Variants in FGD4 observed in about 807,000 individuals in gnomAD.
FGD4 encodes the protein FYVE, RhoGEF and PH domain containing 4, also known as FYVE, RhoGEF and PH domain-containing protein 4.
In FGD4, 42 loss-of-function variants were observed where a neutral mutation model predicts 102.0. The observed-to-expected ratio is 0.41, with a 90% CI of 0.32 to 0.53. The LOEUF (loss-of-function observed/expected upper bound fraction) is 0.53, where lower values mean the gene tolerates loss of function less well. Among genes scored for constraint, FGD4 ranks in the 20% least tolerant of loss-of-function variants. The pLI, the probability that FGD4 is intolerant of heterozygous loss-of-function variation, is 0.21. For synonymous variants in FGD4, 380 were observed against 375.7 expected (o/e 1.01, Z -0.13); for missense variants, 902 against 1,078.2 (o/e 0.84, Z 2.29).
intron 2 of FGD4, among the ~76,000 whole-genome samples, chr12:32,565,020 G>C (rs994172675): frequency 6.6e-6 from 1 of 152,178 alleles, no homozygotes. Context: ...TTCATTTATA[G>C]TGAATGCTAA....
chr12:32,589,997 C>T (rs1947337907), intron 4 of FGD4, among the ~76,000 whole-genome samples: 1 of 152,124 alleles, frequency 6.6e-6, no homozygotes, highest in Non-Finnish European at 1.5e-5. Flanking sequence ...CCTGTTGATG[C>T]TTATGACACT....
intron 1 of FGD4, among the ~76,000 whole-genome samples, chr12:32,477,081 A>C (rs1943601288): frequency 6.6e-6 from 1 of 152,190 alleles, no homozygotes; most frequent in African/African-American, 2.4e-5. Flanking sequence ...TGAGGTAAGG[A>C]GTTCAGGACC....
chr12:32,583,134 C>T (rs997111008), intron 4 of FGD4, among the ~76,000 whole-genome samples: 8 of 152,110 alleles, frequency 5.3e-5, no homozygotes, highest in African/African-American at 1.9e-4. Flanking sequence ...CCCAGTAATT[C>T]AAGACCAGTC....
intron 1 of FGD4, among the ~76,000 whole-genome samples, chr12:32,561,092 T>TTTTTTTTTTTTTTTTTTTTTG: frequency 7.9e-6 from 1 of 126,712 alleles, no homozygotes; most frequent in Non-Finnish European, 1.7e-5. Flanking sequence ...TTTTTTTTTT[T>TTTTTTTTTTTTTTTTTTTTTG]TTTTTTTTTG....
intron 1 of FGD4, among the ~76,000 whole-genome samples, chr12:32,476,102 A>G (rs1943578993): frequency 6.6e-6 from 1 of 152,080 alleles, no homozygotes; most frequent in Non-Finnish European, 1.5e-5. Flanking sequence ...ACTGTATGAA[A>G]CGGGTCTGCT....
intron 7 of FGD4, among the ~76,000 whole-genome samples, chr12:32,602,801 A>G (rs1318423810): frequency 1.3e-5 from 2 of 152,192 alleles, no homozygotes; most frequent in African/African-American, 2.4e-5. Flanking sequence ...AAAATTGTTA[A>G]TGTCATATTC....
At chr12:32,579,713 GTCC>G (rs1946443275) in intron 3 of FGD4, 1 of 152,180 alleles carries the variant, frequency 6.6e-6, no homozygotes. Context: ...GGCCAAAGTT[GTCC>G]TCCTCAAGGG....
At position 32,544,016 on chromosome 12, in the gene FGD4, A is replaced by G. The variant is rs1161745556; in HGVS notation, c.167-20121A>G. Among the ~76,000 whole-genome samples the G allele has an allele frequency of 2.0e-5, 3 of 152,202 alleles. No homozygotes were observed. Among genetic ancestry groups the G allele is most frequent in the Non-Finnish European group, 4.4e-5 (3 of 68,038 alleles). Reference sequence around the variant, plus strand: ...TATTATGTCACAAATGGATTCTAAAATCAGATAATCTTACTATTACTTATC... The same window carrying G: ...TATTATGTCACAAATGGATTCTAAAGTCAGATAATCTTACTATTACTTATC... On this transcript the variant is annotated intron_variant, in intron 1 of 16. Coordinates refer to ENST00000534526, the MANE Select transcript of FGD4 (RefSeq NM_001370298.3). This position sits in a 1 kb window ranked among gnomAD's most constrained non-coding sequence, Gnocchi z 4.1.
At position 32,602,173 on chromosome 12, in the gene FGD4, T is replaced by C. The variant is rs1035911982; in HGVS notation, c.1260T>C (p.Pro420=). ...ATATTTGATACAGGGAAACTACTCC[T>C]AGAATTGGAGACATCCTTCAGAAAT... ...EKRMQEWETT[P]RIGDILQKLA... The change falls in exon 7 of 17, where the codon CCT becomes CCC. Residue 420 remains proline, a synonymous_variant. Transcript: ENST00000534526. 4 of 1,613,912 alleles carry C rather than the reference T, an allele frequency of 2.5e-6. No individual in the cohort carries two copies. Among genetic ancestry groups the C allele is most frequent in the Middle Eastern group, 1.7e-4 (1 of 6,000 alleles).
chr12:32,425,679 C>T (rs1046366688), intron 1 of FGD4, among the ~76,000 whole-genome samples: 2 of 152,180 alleles, frequency 1.3e-5, no homozygotes, highest in Non-Finnish European at 2.9e-5. Context: ...GCCATTTTCA[C>T]GATAGTGATT....
intron 1 of FGD4, among the ~76,000 whole-genome samples, chr12:32,549,371 C>T (rs996879249): frequency 3.9e-5 from 6 of 152,062 alleles, no homozygotes; most frequent in South Asian, 4.1e-4. Flanking sequence ...TTCTGGGGTT[C>T]GGAAGGAACT....
intron 4 of FGD4, among the ~76,000 whole-genome samples, chr12:32,592,771 A>G (rs904341067): frequency 5.9e-5 from 9 of 152,302 alleles, no homozygotes; most frequent in African/African-American, 2.2e-4. Context: ...GTTGGAAGCC[A>G]CCATATTATT....
intron 1 of FGD4, among the ~76,000 whole-genome samples, chr12:32,547,787 A>G (rs557260062): frequency 1.1e-4 from 16 of 152,156 alleles, no homozygotes; most frequent in Non-Finnish European, 8.8e-5. Flanking sequence ...GCTCACTACA[A>G]TCTCCGCCTC....
At chr12:32,450,027 GGT>G (rs1405358237) in intron 1 of FGD4, among the ~76,000 whole-genome samples, 23 of 152,056 alleles carry the variant, frequency 1.5e-4, no homozygotes, top group Admixed American at 1.5e-3. Context: ...CCGTCTCCCT[GGT>G]TCAAGCGATT....
At chr12:32,593,741 T>G (rs1947661082) in intron 4 of FGD4, among the ~76,000 whole-genome samples, 1 of 152,232 alleles carries the variant, frequency 6.6e-6, no homozygotes, top group South Asian at 2.1e-4. Context: ...TATTTTATCA[T>G]GGCACAAGTT....
intron 1 of FGD4, among the ~76,000 whole-genome samples, chr12:32,440,224 T>C (rs904088571): frequency 6.6e-6 from 1 of 152,242 alleles, no homozygotes; most frequent in African/African-American, 2.4e-5. Context: ...CTTCAGTATC[T>C]GGGCATTGAA....
chr12:32,514,320 A>T (rs1414065072), intron 1 of FGD4, among the ~76,000 whole-genome samples: 1 of 152,206 alleles, frequency 6.6e-6, no homozygotes, highest in African/African-American at 2.4e-5. Flanking sequence ...TTGAAATGTA[A>T]GAAGGAAGTA....
chr12:32,429,109 GT>G (rs1033068930), intron 1 of FGD4, among the ~76,000 whole-genome samples: 2 of 152,066 alleles, frequency 1.3e-5, no homozygotes, highest in African/African-American at 4.8e-5. Context: ...AGGTGTTCTG[GT>G]TTTTGGAATT....
chr12:32,640,808 A>G lies in FGD4; in HGVS notation c.*275A>G, dbSNP rs1951122726. 3 of 598,520 alleles carry G rather than the reference A, an allele frequency of 5.0e-6. No homozygotes were observed. Among genetic ancestry groups the G allele is most frequent in the East Asian group, 2.8e-5 (1 of 36,088 alleles). The allele number at this position is 598,520 out of a possible 1,614,324, so 37.1% of individuals were successfully genotyped here. On this transcript the variant is annotated 3_prime_UTR_variant, in exon 17 of 17. Transcript: ENST00000534526. Reference sequence around the variant, plus strand: ...TTTGTCTTGAAGAAATGGTGTATCAATTGATTCTGTCACCGTCAGGTTAGA... The same window carrying G: ...TTTGTCTTGAAGAAATGGTGTATCAGTTGATTCTGTCACCGTCAGGTTAGA...
Sources: gnomAD v4.1 joint callset for allele counts (sites outside exome capture counted in the v4.1 genomes callset) on GRCh38, gnomAD v4.1.1 for gene constraint, Gnocchi (gnomAD v3.1) non-coding constraint, MANE v1.5 for transcripts, NCBI Gene and HGNC (gene_info 2026-07-23, HGNC 2026-07-21) for gene names.